The following C12orf50 variants were observed in gnomAD, a reference collection of about 807,000 sequenced individuals.
C12orf50 encodes uncharacterized protein C12orf50.
C12orf50 carries 35 observed loss-of-function variants against 61.6 expected under a neutral mutation model. The observed-to-expected ratio is 0.57, with a 90% confidence interval of 0.43 to 0.75. C12orf50 has a LOEUF of 0.75. Ranked by LOEUF, C12orf50 falls within the 30% of genes least tolerant of loss-of-function variation. The pLI is 0.00. For missense variants in C12orf50, 475 were observed against 488.5 expected, an observed-to-expected ratio of 0.97 and a Z score of 0.26; for synonymous variants, 178 against 161.5, an observed-to-expected ratio of 1.10 and a Z score of -0.77.
intron 11 of C12orf50, 56 bp from the exon 12 acceptor site, chr12:87,983,251 G>A (rs1475809909): frequency 1.8e-5 from 22 of 1,216,218 alleles, no homozygotes; most frequent in Non-Finnish European, 2.6e-5. Flanking sequence ...CATATTCCAA[G>A]GGTGTTTCAA....
At chr12:88,023,726 A>T (rs1434359766) in intron 3 of C12orf50, among the ~76,000 whole-genome samples, 1 of 151,994 alleles carries the variant, frequency 6.6e-6, no homozygotes, top group Non-Finnish European at 1.5e-5. Flanking sequence ...ACCATTCTGG[A>T]TATAGGACAT....
chr12:88,011,908 TA>T (rs2032124226), intron 3 of C12orf50, among the ~76,000 whole-genome samples: 1 of 152,198 alleles, frequency 6.6e-6, no homozygotes, highest in Non-Finnish European at 1.5e-5. Context: ...ACCGGTAATA[TA>T]CTGGAGTGGG....
At chr12:88,017,825 A>G (rs1486724619) in intron 3 of C12orf50, among the ~76,000 whole-genome samples, 1 of 152,216 alleles carries the variant, frequency 6.6e-6, no homozygotes, top group African/African-American at 2.4e-5. Flanking sequence ...CCTTCCCTAG[A>G]GATTTGTGGA....
chr12:87,987,679 G>A (rs188916495), intron 9 of C12orf50, among the ~76,000 whole-genome samples, 171 bp downstream of exon 9: 1 of 152,172 alleles, frequency 6.6e-6, no homozygotes, highest in Admixed American at 6.5e-5. Flanking sequence ...CTACATCACA[G>A]CTCATTGTCA....
chr12:87,998,187 A>T lies in C12orf50; in HGVS notation c.137T>A (p.Ile46Asn), dbSNP rs1229135081. 6.2e-7 allele frequency: 1 copy of T among 1,610,236 alleles called. No individual in the cohort carries two copies. Among genetic ancestry groups the T allele is most frequent in the Non-Finnish European group, 8.5e-7 (1 of 1,177,654 alleles). Residue 46 changes from isoleucine (I) to asparagine (N), a missense_variant, in exon 4 of 13, where the codon ATC (isoleucine) becomes AAC (asparagine). Coordinates refer to ENST00000298699, the MANE Select transcript of C12orf50 (RefSeq NM_152589.3). ...TTCCTGAATTTCTTTCTGTAGTGTG[A>T]TATCTGCAGAGAAAATGCAACATTT... ...NGLFLPPSSN[I>N]TLQKEIQEGI...
chr12:87,991,943 A>G (rs1303551727), intron 7 of C12orf50, among the ~76,000 whole-genome samples: 3 of 152,082 alleles, frequency 2.0e-5, no homozygotes, highest in Non-Finnish European at 4.4e-5. Flanking sequence ...AGTGGTGAAA[A>G]TTTTGAGTTG....
chr12:88,016,063 T>C (rs1232930096), intron 3 of C12orf50, among the ~76,000 whole-genome samples: 1 of 152,136 alleles, frequency 6.6e-6, no homozygotes, highest in Non-Finnish European at 1.5e-5. Flanking sequence ...GTGATTTAGA[T>C]AGCACTGCTG....
chr12:88,008,232 G>A (rs2031963960), intron 3 of C12orf50, among the ~76,000 whole-genome samples: 1 of 151,924 alleles, frequency 6.6e-6, no homozygotes, highest in South Asian at 2.1e-4. Flanking sequence ...CTACCCTCTG[G>A]TAGACCCCAG....
chr12:88,021,157 G>A (rs1347351425), intron 3 of C12orf50, among the ~76,000 whole-genome samples: 1 of 152,012 alleles, frequency 6.6e-6, no homozygotes, highest in Non-Finnish European at 1.5e-5. Flanking sequence ...CCTAAAGCTG[G>A]CAGAAGACAA....
At chr12:88,004,449 G>A (rs1358454904) in intron 3 of C12orf50, among the ~76,000 whole-genome samples, 1 of 152,154 alleles carries the variant, frequency 6.6e-6, no homozygotes, top group Non-Finnish European at 1.5e-5. Context: ...ACTGCTAGTG[G>A]GAATGTAAAA....
intron 3 of C12orf50, among the ~76,000 whole-genome samples, chr12:88,023,539 G>A (rs541084409): frequency 3.9e-4 from 59 of 151,126 alleles, no homozygotes; most frequent in Non-Finnish European, 6.8e-4. Flanking sequence ...ATGGTGGCAC[G>A]TGCCTGTGGT....
At chr12:88,025,889 G>A (rs1258217226) in intron 3 of C12orf50, among the ~76,000 whole-genome samples, 1 of 152,172 alleles carries the variant, frequency 6.6e-6, no homozygotes, top group Non-Finnish European at 1.5e-5. Flanking sequence ...TTACACTGTG[G>A]TGTCTTCTGT....
chr12:87,982,994 A>G lies in C12orf50; in HGVS notation c.1219+109T>C, dbSNP rs939641528. ...TCCAAGTAATTAAGTGTGCATGTAT[A>G]TCTTGAAATTTTTATTTATCTTCAT... On this transcript the variant is annotated intron_variant, in intron 12 of 12. Transcript: ENST00000298699. The G allele has an allele frequency of 8.9e-6, 5 of 562,830 alleles. No individual in the cohort carries two copies. In the African/African-American group the frequency reaches 9.6e-5, roughly 11 times the overall value. 34.9% of individuals were successfully genotyped at this position (562,830 alleles called of 1,614,324 possible).
chr12:88,021,122 A>G (rs1218580867), intron 3 of C12orf50, among the ~76,000 whole-genome samples: 1 of 152,184 alleles, frequency 6.6e-6, no homozygotes, highest in Non-Finnish European at 1.5e-5. Context: ...AACTAGAAGA[A>G]CTAGAGAAGT....
chr12:88,028,605 A>T (rs541671324), intron 1 of C12orf50, among the ~76,000 whole-genome samples: 3 of 152,218 alleles, frequency 2.0e-5, no homozygotes, highest in South Asian at 4.1e-4. Flanking sequence ...GACAGAGGAA[A>T]ATTCAGTAAT....
intron 3 of C12orf50, among the ~76,000 whole-genome samples, chr12:88,012,787 G>T (rs2032160226): frequency 6.6e-6 from 1 of 152,150 alleles, no homozygotes; most frequent in South Asian, 2.1e-4. Flanking sequence ...ACATGGGGAA[G>T]GGTGCAGTGG....
intron 10 of C12orf50, 58 bp downstream of exon 10, chr12:87,986,254 G>T (rs956835550): frequency 6.8e-6 from 9 of 1,331,836 alleles, no homozygotes; most frequent in South Asian, 1.4e-5. Context: ...GAAGATATTT[G>T]ATATTTAATC....
chr12:88,017,780 T>C (rs1428453063), intron 3 of C12orf50, among the ~76,000 whole-genome samples: 1 of 152,236 alleles, frequency 6.6e-6, no homozygotes, highest in Non-Finnish European at 1.5e-5. Context: ...GTGACTCTTA[T>C]TAAGTTTTAG....
Position 87,992,165 on chromosome 12 carries a change from C to T in C12orf50, c.592+2468G>A, listed in dbSNP as rs534898953. ...GCAACCTCAAGAGAGTCACTTAAGACTTCTGAACTTTGTTTTCTCTTTTGT... is the reference window on the plus strand; with the variant it reads ...GCAACCTCAAGAGAGTCACTTAAGATTTCTGAACTTTGTTTTCTCTTTTGT... On this transcript the variant is annotated intron_variant, in intron 7 of 12. Coordinates refer to ENST00000298699, the MANE Select transcript of C12orf50 (RefSeq NM_152589.3). Among the ~76,000 whole-genome samples the T allele has an allele frequency of 2.6e-5, 4 of 152,280 alleles. No homozygotes were observed. In the South Asian group the frequency reaches 6.2e-4, roughly 24 times the overall value.
Sources: allele counts gnomAD v4.1 joint callset (sites outside exome capture counted in the v4.1 genomes callset), GRCh38; gene constraint gnomAD v4.1.1; transcripts MANE v1.5; gene names NCBI Gene and HGNC (gene_info 2026-07-23, HGNC 2026-07-21).